The following DNER variants were observed in gnomAD, a reference collection of about 807,000 sequenced individuals.
DNER encodes delta/notch like EGF repeat containing.
A neutral mutation model predicts 78.2 loss-of-function variants in DNER; 33 were observed. The ratio of observed to expected loss-of-function variants is 0.42; its 90% CI spans 0.32 to 0.56. The LOEUF (loss-of-function observed/expected upper bound fraction) is 0.56, where lower values mean the gene tolerates loss of function less well. Among genes scored for constraint, DNER ranks in the 20% least tolerant of loss-of-function variants. The probability of loss-of-function intolerance (pLI) is 0.11; values close to 1 mark genes in which losing one functional copy is unlikely to be tolerated. For missense variants in DNER, 918 were observed against 975.3 expected, an observed-to-expected ratio of 0.94 and a Z score of 0.78; for synonymous variants, 417 against 384.8, an observed-to-expected ratio of 1.08 and a Z score of -0.98.
At chr2:229,395,053 C>T (rs774072017) in intron 10 of DNER, among the ~76,000 whole-genome samples, 1 of 152,144 alleles carries the variant, frequency 6.6e-6, no homozygotes. Context: ...TTTATGGAAC[C>T]GTAAGAGTTA....
intron 4 of DNER, among the ~76,000 whole-genome samples, chr2:229,577,041 G>A (rs1258156215): frequency 6.6e-6 from 1 of 152,170 alleles, no homozygotes; most frequent in Non-Finnish European, 1.5e-5. Context: ...CAGGGTAAGG[G>A]TCGTGAAGCT....
intron 8 of DNER, among the ~76,000 whole-genome samples, chr2:229,421,923 C>T (rs1050917196): frequency 5.6e-4 from 85 of 152,166 alleles, no homozygotes; most frequent in African/African-American, 2.0e-3. Flanking sequence ...ATCAAACAAG[C>T]AAGTTTTGCA....
chr2:229,468,814 G>A (rs147844315), intron 7 of DNER, among the ~76,000 whole-genome samples: 2,277 of 152,238 alleles, frequency 0.015, 70 homozygotes, highest in African/African-American at 0.052. Flanking sequence ...GGCATACCAC[G>A]AGGAGTGAGG....
At chr2:229,433,826 C>T (rs1222772119) in intron 8 of DNER, among the ~76,000 whole-genome samples, 3 of 152,116 alleles carry the variant, frequency 2.0e-5, no homozygotes, top group Non-Finnish European at 4.4e-5. Context: ...CTATCATATA[C>T]TAGACATTTG....
chr2:229,502,936 T>G (rs1173853216), intron 6 of DNER, among the ~76,000 whole-genome samples: 1 of 152,198 alleles, frequency 6.6e-6, no homozygotes, highest in Non-Finnish European at 1.5e-5. Context: ...GGAGAGGGGA[T>G]AGCGAGAATG....
chr2:229,404,315 A>T (rs751458527), intron 10 of DNER, among the ~76,000 whole-genome samples: 31 of 152,172 alleles, frequency 2.0e-4, no homozygotes, highest in Non-Finnish European at 4.3e-4. Flanking sequence ...GAGGCCTCGG[A>T]AAACTTACAA....
In DNER at chr2:229,536,998, G is replaced by A. The variant is rs569596222; in HGVS notation, c.993+9949C>T. 8.2e-4 allele frequency among the ~76,000 whole-genome samples: 125 copies of A among 152,194 alleles called. 1 individual carries two copies. The highest frequency in any genetic ancestry group is 2.9e-3 in the African/African-American group (122 of 41,530). ...GCCAAATAAGACCATGGAAGAGAGG[G>A]GCTGAATCTTCTAAGTCTCTCTGAA... On this transcript the variant is annotated intron_variant, in intron 5 of 12. Transcript: ENST00000341772.
intron 1 of DNER, among the ~76,000 whole-genome samples, chr2:229,710,789 T>C (rs908342093): frequency 1.3e-4 from 20 of 152,184 alleles, no homozygotes; most frequent in African/African-American, 4.8e-4. Flanking sequence ...CTCGATCTAG[T>C]TAAGGTAATG....
intron 7 of DNER, among the ~76,000 whole-genome samples, chr2:229,471,354 TG>T (rs1304701282): frequency 1.3e-4 from 2 of 15,636 alleles, no homozygotes; most frequent in East Asian, 0.011. Context: ...GGCTATAAAA[TG>T]AAAAAAAAAA....
At chr2:229,440,537 C>T (rs893956497) in intron 8 of DNER, among the ~76,000 whole-genome samples, 3 of 152,212 alleles carry the variant, frequency 2.0e-5, no homozygotes, top group Non-Finnish European at 1.5e-5. Flanking sequence ...AATTTTTTCC[C>T]CTTTCTTTTT....
Position 229,554,315 on chromosome 2 carries a change from T to G in DNER, c.848-7223A>C, listed in dbSNP as rs564201114. Among the ~76,000 whole-genome samples the G allele has an allele frequency of 2.6e-5, 4 of 152,240 alleles. No homozygotes were observed. In the South Asian group the frequency reaches 8.3e-4, roughly 32 times the overall value. On this transcript the variant is annotated intron_variant, in intron 4 of 12. Coordinates refer to ENST00000341772, the MANE Select transcript of DNER (RefSeq NM_139072.4). ...GCTCACACCTGTAGTCCCAGCACTT[T>G]GGGATGCTGAGACTGGGGGATCACT...
At chr2:229,633,351 T>G (rs1208950543) in intron 1 of DNER, among the ~76,000 whole-genome samples, 1 of 152,246 alleles carries the variant, frequency 6.6e-6, no homozygotes, top group Non-Finnish European at 1.5e-5. Context: ...CTTACAACTT[T>G]GTTAAATATT....
rs2106322514 is a variant in DNER at position 229,358,202 on chromosome 2, ACGT to A, written c.*335_*337del. On this transcript the variant is annotated 3_prime_UTR_variant, in exon 13 of 13. Transcript: ENST00000341772. ...CTCTACTCAGAAAGCCGGCACTCAA[ACGT>A]CAAACAGAAACTTCTCCTTGATTAG... 1 of 166,704 alleles carries A rather than the reference ACGT, an allele frequency of 6.0e-6. No homozygotes were observed. Among genetic ancestry groups the A allele is most frequent in the Admixed American group, 6.1e-5 (1 of 16,472 alleles). 10.3% of individuals were successfully genotyped at this position (166,704 alleles called of 1,614,324 possible).
chr2:229,703,883 T>C (rs1699788141), intron 1 of DNER, among the ~76,000 whole-genome samples: 1 of 134,220 alleles, frequency 7.5e-6, no homozygotes, highest in African/African-American at 2.9e-5. Flanking sequence ...AGACCCTGTC[T>C]CAAAAAAAAT....
chr2:229,590,087 C>T (rs1697575337), intron 2 of DNER, among the ~76,000 whole-genome samples: 2 of 151,428 alleles, frequency 1.3e-5, no homozygotes, highest in African/African-American at 4.9e-5. Context: ...GTAATAATAA[C>T]ATACCGACAC....
chr2:229,375,645 A>C (rs1310501600), intron 11 of DNER, among the ~76,000 whole-genome samples: 1 of 152,242 alleles, frequency 6.6e-6, no homozygotes. Flanking sequence ...AATGCTCATG[A>C]AAAGTTAAAA....
chr2:229,680,234 C>A (rs749121457), intron 1 of DNER, among the ~76,000 whole-genome samples: 1 of 152,106 alleles, frequency 6.6e-6, no homozygotes, highest in Non-Finnish European at 1.5e-5. Context: ...TAAAAGGTGA[C>A]GCAGAAGGAG....
chr2:229,608,440 G>A (rs1024738947), intron 1 of DNER, among the ~76,000 whole-genome samples: 3 of 152,096 alleles, frequency 2.0e-5, no homozygotes, highest in Non-Finnish European at 4.4e-5. Context: ...GAAAATATAG[G>A]ACAATATCTT....
intron 4 of DNER, among the ~76,000 whole-genome samples, chr2:229,567,254 A>G (rs1697126673): frequency 6.6e-6 from 1 of 152,134 alleles, no homozygotes; most frequent in Non-Finnish European, 1.5e-5. Flanking sequence ...CACAGTTGTA[A>G]TTTTCTATTT....
Sources: gnomAD v4.1 joint callset for allele counts (sites outside exome capture counted in the v4.1 genomes callset) on GRCh38, gnomAD v4.1.1 for gene constraint, MANE v1.5 for transcripts, NCBI Gene and HGNC (gene_info 2026-07-23, HGNC 2026-07-21) for gene names.